The following CFAP70 variants were observed in gnomAD, a reference collection of about 807,000 sequenced individuals.
The protein encoded by CFAP70 is cilia and flagella associated protein 70.
Under a neutral mutation model 137.6 loss-of-function variants are expected in CFAP70, and 81 were observed. The ratio of observed to expected loss-of-function variants is 0.59; its 90% CI spans 0.49 to 0.71. The LOEUF is 0.71. Ranked by LOEUF, CFAP70 falls within the 30% of genes least tolerant of loss-of-function variation. The pLI is 0.00. For synonymous variants in CFAP70, 382 were observed against 423.6 expected, an observed-to-expected ratio of 0.90 and a Z score of 1.20; for missense variants, 976 against 1,226.7, an observed-to-expected ratio of 0.80 and a Z score of 3.05.
exon 24 of CFAP70, chr10:73,272,942 T>C (rs968587653): frequency 1.9e-5 from 30 of 1,552,542 alleles, no homozygotes; most frequent in Non-Finnish European, 2.6e-5. Flanking sequence ...TAGCAGGCGA[T>C]TCCCAGTCCT....
chr10:73,333,797 G>C (rs879261198), intron 7 of CFAP70, among the ~76,000 whole-genome samples: 8 of 152,160 alleles, frequency 5.3e-5, no homozygotes, highest in Non-Finnish European at 8.8e-5. Context: ...CAAAAAACTT[G>C]TATCAACATA....
At chr10:73,272,851 C>G in intron 24 of CFAP70, 77 bp downstream of exon 25, 1 of 1,277,420 alleles carries the variant, frequency 7.8e-7, no homozygotes, top group Non-Finnish European at 1.1e-6. Context: ...CATCACAAAC[C>G]CCCAGGATGC....
At chr10:73,313,285 T>C (rs55763422) in intron 9 of CFAP70, among the ~76,000 whole-genome samples, 1 of 147,588 alleles carries the variant, frequency 6.8e-6, no homozygotes, top group African/African-American at 2.5e-5. Flanking sequence ...GGCAGGAGAA[T>C]GGTGTGAACC....
intron 6 of CFAP70, among the ~76,000 whole-genome samples, chr10:73,336,139 CAA>C (rs61221361): frequency 2.4e-4 from 29 of 120,048 alleles, no homozygotes; most frequent in African/African-American, 2.1e-4. Context: ...GACCCTGTCT[CAA>C]AAAAAAAAAA....
At chr10:73,254,079 A>G (rs113752339) in intron 26 of CFAP70, 24 bp from the exon 28 acceptor site, 1 of 1,583,252 alleles carries the variant, frequency 6.3e-7, no homozygotes, top group Non-Finnish European at 8.7e-7. Flanking sequence ...GAAGAAAGGG[A>G]AAGATATATG....
At chr10:73,304,260 G>A (rs2132028930) in intron 12 of CFAP70, among the ~76,000 whole-genome samples, 1 of 152,134 alleles carries the variant, frequency 6.6e-6, no homozygotes, top group South Asian at 2.1e-4. Context: ...CCCCACATTG[G>A]CCAGGCTGGT....
upstream of CFAP70, among the ~76,000 whole-genome samples, chr10:73,359,130 G>T (rs2054898968): frequency 6.6e-6 from 1 of 152,120 alleles, no homozygotes; most frequent in Non-Finnish European, 1.5e-5. Context: ...AAATGAGCCC[G>T]TCACGCCCTG....
intron 4 of CFAP70, among the ~76,000 whole-genome samples, chr10:73,345,949 G>C (rs530391985): frequency 6.6e-6 from 1 of 151,446 alleles, no homozygotes; most frequent in South Asian, 2.1e-4. Context: ...ACCCAGGCTG[G>C]TGTGTAGTGG....
intron 9 of CFAP70, among the ~76,000 whole-genome samples, chr10:73,316,516 C>T (rs975167092): frequency 1.0e-4 from 13 of 128,760 alleles, no homozygotes; most frequent in African/African-American, 1.5e-4. Context: ...ATATATATGA[C>T]GTACACATAA....
chr10:73,321,769 CT>C (rs915710530), intron 9 of CFAP70, among the ~76,000 whole-genome samples: 83 of 151,402 alleles, frequency 5.5e-4, no homozygotes, highest in African/African-American at 1.8e-3. Context: ...CAACAACAGA[CT>C]TTTTTTTTCT....
At chr10:73,332,929 A>G (rs906338302) in intron 7 of CFAP70, among the ~76,000 whole-genome samples, 2 of 152,234 alleles carry the variant, frequency 1.3e-5, no homozygotes, top group African/African-American at 4.8e-5. Flanking sequence ...CAAAGCTACT[A>G]TAAGACCTAG....
intron 3 of CFAP70, among the ~76,000 whole-genome samples, chr10:73,351,564 C>G (rs1213091124): frequency 6.6e-6 from 1 of 152,132 alleles, no homozygotes; most frequent in Admixed American, 6.5e-5. Context: ...TCCTGAGTAA[C>G]TGGGACTACA....
chr10:73,341,198 G>A (rs1012790509), intron 6 of CFAP70, among the ~76,000 whole-genome samples: 3 of 152,154 alleles, frequency 2.0e-5, no homozygotes, highest in African/African-American at 4.8e-5. Context: ...AAAATAAAGA[G>A]TACATGTGAT....
intron 11 of CFAP70, among the ~76,000 whole-genome samples, chr10:73,311,326 A>T (rs2049905268): frequency 6.6e-6 from 1 of 152,180 alleles, no homozygotes. Flanking sequence ...TCTTATGGCA[A>T]ACAGGTCTCT....
intron 16 of CFAP70, 99 bp downstream of exon 17, chr10:73,293,164 C>G (rs1054918978): frequency 1.3e-5 from 18 of 1,341,744 alleles, no homozygotes; most frequent in Non-Finnish European, 1.6e-5. Context: ...ATGTGTCTAC[C>G]CTTTCACCAA....
intron 12 of CFAP70, among the ~76,000 whole-genome samples, chr10:73,304,498 T>C (rs965902678): frequency 6.6e-6 from 1 of 152,188 alleles, no homozygotes; most frequent in African/African-American, 2.4e-5. Flanking sequence ...TATTAATAAT[T>C]ATGTGTAAAA....
In CFAP70 at chr10:73,325,321, G is replaced by T. The variant is rs534295959; in HGVS notation, c.778-2224C>A. ...TGTCACCACCAGGCCTGCCCTAAAA[G>T]AGCTCCTGAAGGAAGCACTAAACAT... On this transcript the variant is annotated intron_variant, in intron 8 of 26. Transcript: ENST00000310715. 2.6e-3 allele frequency among the ~76,000 whole-genome samples: 399 copies of T among 152,200 alleles called. 2 individuals carry two copies. Among genetic ancestry groups the T allele is most frequent in the African/African-American group, 9.0e-3 (372 of 41,522 alleles).
At chr10:73,264,868 T>G (rs2045604856) in intron 25 of CFAP70, among the ~76,000 whole-genome samples, 1 of 152,200 alleles carries the variant, frequency 6.6e-6, no homozygotes. Context: ...TTTTAAAAAA[T>G]ATACGAAACA....
chr10:73,278,651 T>C (rs2046983617), intron 19 of CFAP70, among the ~76,000 whole-genome samples: 1 of 152,150 alleles, frequency 6.6e-6, no homozygotes, highest in African/African-American at 2.4e-5. Context: ...TACATACAGA[T>C]CTTTGCAAGG....
Sources: allele counts gnomAD v4.1 joint callset (sites outside exome capture counted in the v4.1 genomes callset), GRCh38; gene constraint gnomAD v4.1.1; transcripts MANE v1.5; gene names NCBI Gene and HGNC (gene_info 2026-07-23, HGNC 2026-07-21).